ANHX: variants seen among roughly 807,000 people sequenced by gnomAD.
The protein encoded by ANHX is anomalous homeobox protein.
A neutral mutation model predicts 38.9 loss-of-function variants in ANHX; 20 were observed. That is an observed-to-expected ratio of 0.51 (90% CI 0.36 to 0.75). The LOEUF is 0.75. Ranked by LOEUF, ANHX falls within the 30% of genes least tolerant of loss-of-function variation. The pLI is 0.00. For missense variants in ANHX, 475 were observed against 493.1 expected (o/e 0.96, Z 0.35); for synonymous variants, 185 against 203.1 (o/e 0.91, Z 0.76).
At chr12:133,227,508 C>A (rs1185954831) in intron 4 of ANHX, among the ~76,000 whole-genome samples, 1 of 152,242 alleles carries the variant, frequency 6.6e-6, no homozygotes, top group African/African-American at 2.4e-5. Context: ...GGCACAAACC[C>A]ACTGTGCAGT....
intron 4 of ANHX, 25 bp downstream of exon 4, chr12:133,227,799 G>A (rs910317133): frequency 1.8e-5 from 28 of 1,535,008 alleles, no homozygotes; most frequent in Admixed American, 7.9e-5. Context: ...GGACCCCCTG[G>A]GTCCTGGGTA....
intron 8 of ANHX, among the ~76,000 whole-genome samples, chr12:133,220,322 C>T (rs900640846): frequency 1.3e-4 from 20 of 151,954 alleles, no homozygotes; most frequent in African/African-American, 4.6e-4. Flanking sequence ...GAGAAGGGGT[C>T]GAGATGGCCA....
chr12:133,234,861 T>C (rs747816254), intron 1 of ANHX: 2 of 159,808 alleles, frequency 1.3e-5, no homozygotes, highest in Admixed American at 5.9e-5. Context: ...GTTCTAACGG[T>C]GCCTCACCTA....
intron 2 of ANHX, among the ~76,000 whole-genome samples, chr12:133,233,251 C>G (rs1308477815): frequency 6.6e-6 from 1 of 152,144 alleles, no homozygotes; most frequent in Non-Finnish European, 1.5e-5. Context: ...CAGGGGCACA[C>G]TGTGATACCA....
At chr12:133,227,211 G>C (rs1047474381) in intron 4 of ANHX, 59 bp from the exon 5 acceptor site, 8 of 1,482,420 alleles carry the variant, frequency 5.4e-6, no homozygotes, top group African/African-American at 1.4e-5. Context: ...CAGGGGGTGT[G>C]CAGAAGTGGC....
chr12:133,234,309 T>TCCA lies in ANHX; in HGVS notation c.47_48insTGG (p.Ala16_Pro17insGly). On this transcript the variant is annotated inframe_insertion, in exon 2 of 10. Coordinates refer to ENST00000545940, the MANE Select transcript of ANHX (RefSeq NM_001372060.1). The stretch of plus-strand genomic sequence containing the variant: ...CAAGGGTCACCAGCTCCGCCGGGGG[T>TCCA]GCACAGGTGTCCTCATGCTCCTTCA... 3 of 1,535,992 alleles carry TCCA rather than the reference T, an allele frequency of 2.0e-6. No individual in the cohort carries two copies. Among genetic ancestry groups the TCCA allele is most frequent in the Non-Finnish European group, 2.6e-6 (3 of 1,146,862 alleles).
In ANHX at chr12:133,227,893, G is replaced by T; in HGVS notation, c.432C>A (p.Pro144=). The T allele has an allele frequency of 1.3e-5, 19 of 1,513,128 alleles. No homozygotes were observed. The highest frequency in any genetic ancestry group is 1.7e-5 in the Non-Finnish European group (19 of 1,133,548). The allele number at this position is 1,513,128 out of a possible 1,614,324, so 93.7% of individuals were successfully genotyped here. A position where few individuals can be genotyped will look rare whatever the true frequency, so the allele number is the denominator to read the frequency against. ...CPEGLKSRNF[P]REVREKLHNF... ...TGTGCAGCTTCTCACGAACCTCTCT[G>T]GGGAAGTTCCGGCTCTTCAGCCCCT... The change falls in exon 4 of 10, where the codon CCC becomes CCA. Residue 144 remains proline, a synonymous_variant. Transcript: ENST00000545940.
intron 7 of ANHX, among the ~76,000 whole-genome samples, chr12:133,224,649 C>A (rs1246673703): frequency 4.7e-5 from 4 of 84,524 alleles, no homozygotes; most frequent in Non-Finnish European, 6.4e-5. Flanking sequence ...GGTGACAGAC[C>A]AAGACTCCAT....
chr12:133,220,495 G>A (rs908227854), intron 8 of ANHX, among the ~76,000 whole-genome samples: 5 of 152,208 alleles, frequency 3.3e-5, no homozygotes, highest in Non-Finnish European at 7.3e-5. Context: ...TTTAGGGGCT[G>A]CTCCGCCTTT....
chr12:133,232,539 C>G (rs1436357771), intron 2 of ANHX, among the ~76,000 whole-genome samples: 1 of 152,188 alleles, frequency 6.6e-6, no homozygotes, highest in African/African-American at 2.4e-5. Flanking sequence ...ATGGGAACTT[C>G]CCCCTGCCCT....
At chr12:133,234,557 A>T (rs1018327824) in intron 1 of ANHX, 179 bp from the exon 2 acceptor site, 12 of 677,596 alleles carry the variant, frequency 1.8e-5, no homozygotes, top group Non-Finnish European at 2.9e-5. Flanking sequence ...TACACCCTCT[A>T]GAATTTCCTT....
chr12:133,219,747 CCACGGCACT>C (rs1957083418), intron 8 of ANHX, among the ~76,000 whole-genome samples: 3 of 152,096 alleles, frequency 2.0e-5, no homozygotes, highest in Admixed American at 2.0e-4. Context: ...TGTGACATGG[CCACGGCACT>C]CCTGGGCATG....
intron 7 of ANHX, among the ~76,000 whole-genome samples, chr12:133,223,133 G>A (rs1264967737): frequency 6.6e-6 from 1 of 151,926 alleles, no homozygotes; most frequent in Admixed American, 6.6e-5. Context: ...ACATTTCAGT[G>A]AGCCGAGATC....
At chr12:133,232,739 G>A (rs925676560) in intron 2 of ANHX, among the ~76,000 whole-genome samples, 1 of 152,170 alleles carries the variant, frequency 6.6e-6, no homozygotes, top group Admixed American at 6.5e-5. Flanking sequence ...CTTCACGGCA[G>A]TCATTACAAC....
chr12:133,226,612 C>A (rs530702099), intron 5 of ANHX, among the ~76,000 whole-genome samples, 174 bp from the exon 6 acceptor site: 1 of 152,332 alleles, frequency 6.6e-6, no homozygotes, highest in Admixed American at 6.5e-5. Context: ...ATTGCCAACC[C>A]AGGACACCCC....
At chr12:133,229,406 TC>T (rs1056635004) in intron 3 of ANHX, among the ~76,000 whole-genome samples, 1 of 151,850 alleles carries the variant, frequency 6.6e-6, no homozygotes, top group Non-Finnish European at 1.5e-5. Context: ...AAGAACTCCA[TC>T]CCCCCTCTCC....
At chr12:133,220,196 C>T (rs1362291294) in intron 8 of ANHX, among the ~76,000 whole-genome samples, 1 of 152,078 alleles carries the variant, frequency 6.6e-6, no homozygotes, top group Non-Finnish European at 1.5e-5. Context: ...GCTCCGTCTA[C>T]ACATGTACAG....
chr12:133,219,765 T>A (rs547263977), intron 8 of ANHX, among the ~76,000 whole-genome samples: 3 of 152,254 alleles, frequency 2.0e-5, no homozygotes, highest in Admixed American at 2.0e-4. Context: ...CTCCTGGGCA[T>A]GCACCATGAG....
At chr12:133,223,787 T>C (rs186389210) in intron 7 of ANHX, among the ~76,000 whole-genome samples, 3 of 151,730 alleles carry the variant, frequency 2.0e-5, no homozygotes, top group African/African-American at 4.8e-5. Context: ...AACAGCAAGA[T>C]GAAGTAAAAA....
Sources: allele counts gnomAD v4.1 joint callset (sites outside exome capture counted in the v4.1 genomes callset), GRCh38; gene constraint gnomAD v4.1.1; transcripts MANE v1.5; gene names NCBI Gene and HGNC (gene_info 2026-07-23, HGNC 2026-07-21).